The following AR variants were observed in gnomAD, a reference collection of about 807,000 sequenced individuals.
AR encodes the protein androgen receptor, also known as dihydrotestosterone receptor.
In AR, 8 loss-of-function variants were observed where a neutral mutation model predicts 53.9. The observed-to-expected ratio is 0.15, with a 90% CI of 0.09 to 0.27. The LOEUF (loss-of-function observed/expected upper bound fraction) is 0.27. Among genes scored for constraint, AR ranks in the 10% least tolerant of loss-of-function variants. The probability of loss-of-function intolerance (pLI) is 1.00; values close to 1 mark genes in which losing one functional copy is unlikely to be tolerated. For missense variants in AR, 639 were observed against 742.5 expected (o/e 0.86, Z 1.62); for synonymous variants, 359 against 316.4 (o/e 1.13, Z -1.43).
intron 2 of AR, among the ~76,000 whole-genome samples, chrX:67,684,140 A>G (rs2075952582): frequency 8.9e-6 from 1 of 111,734 alleles, no homozygotes; most frequent in African/African-American, 3.3e-5. Context: ...ATACTGTGGG[A>G]GTGTACCAGT....
chrX:67,549,706 T>TA (rs1294691647), intron 1 of AR, among the ~76,000 whole-genome samples: 1 of 111,918 alleles, frequency 8.9e-6, no homozygotes, highest in Non-Finnish European at 1.9e-5. Flanking sequence ...ATGCCAGAAT[T>TA]AGAGTTTGGG....
At chrX:67,624,864 A>G (rs1358656957) in intron 1 of AR, among the ~76,000 whole-genome samples, 1 of 94,802 alleles carries the variant, frequency 1.1e-5, no homozygotes, top group Non-Finnish European at 2.0e-5. Flanking sequence ...CACCATTTCA[A>G]TTTACCATTG....
chrX:67,588,380 G>C (rs933110087), intron 1 of AR, among the ~76,000 whole-genome samples: 1 of 111,895 alleles, frequency 8.9e-6, no homozygotes, highest in Non-Finnish European at 1.9e-5. Context: ...CTGTTCTCAA[G>C]GTATCCCAAA....
At chrX:67,690,881 G>A (rs1178435136) in intron 3 of AR, among the ~76,000 whole-genome samples, 1 of 111,752 alleles carries the variant, frequency 8.9e-6, no homozygotes, top group Non-Finnish European at 1.9e-5. Context: ...TGAACAAAAT[G>A]CATTGAGGGT....
chrX:67,547,909 C>CA (rs757479017), intron 1 of AR, among the ~76,000 whole-genome samples: 1 of 111,952 alleles, frequency 8.9e-6, no homozygotes, highest in African/African-American at 3.2e-5. Flanking sequence ...AATTATTCCT[C>CA]ACCGCAGTTG....
intron 1 of AR, among the ~76,000 whole-genome samples, chrX:67,548,559 A>G: frequency 9.0e-6 from 1 of 111,240 alleles, no homozygotes; most frequent in South Asian, 3.8e-4. Flanking sequence ...CTGCCATGAT[A>G]CTAAACCCAG....
At position 67,639,843 on chromosome X, in the gene AR, T is replaced by C. The variant is rs756195298; in HGVS notation, c.1617-3413T>C. Among the ~76,000 whole-genome samples the C allele has an allele frequency of 6.4e-4, 71 of 111,670 alleles. 2 individuals carry two copies. Among genetic ancestry groups the C allele is most frequent in the African/African-American group, 2.2e-3 (67 of 30,765 alleles). On this transcript the variant is annotated intron_variant, in intron 1 of 7. Transcript: ENST00000374690. ...CTTTCCTGATTGCCCTGGCCAGAACTTCCAATACTATGTTGAATAGGGGTG... is the reference window on the plus strand; with the variant it reads ...CTTTCCTGATTGCCCTGGCCAGAACCTCCAATACTATGTTGAATAGGGGTG...
chrX:67,656,550 C>T (rs1926603559), intron 2 of AR, among the ~76,000 whole-genome samples: 2 of 111,603 alleles, frequency 1.8e-5, no homozygotes, highest in South Asian at 3.8e-4. Context: ...TGTTACCAAA[C>T]ATTTTCCATG....
chrX:67,554,642 A>T (rs1253397317), intron 1 of AR, among the ~76,000 whole-genome samples: 1 of 111,756 alleles, frequency 8.9e-6, no homozygotes, highest in African/African-American at 3.3e-5. Context: ...GGGATTTTTT[A>T]AAAAAGAATC....
intron 3 of AR, among the ~76,000 whole-genome samples, chrX:67,706,205 G>T (rs1053228346): frequency 4.5e-5 from 5 of 111,567 alleles, no homozygotes; most frequent in African/African-American, 1.6e-4. Context: ...TGATTGGAAT[G>T]GTTTCAGAAG....
chrX:67,667,756 T>A (rs1927344263), intron 2 of AR, among the ~76,000 whole-genome samples: 1 of 111,052 alleles, frequency 9.0e-6, no homozygotes, highest in Admixed American at 9.6e-5. Flanking sequence ...TTTTTTTTAG[T>A]TTTCATTGTA....
chrX:67,702,557 C>T (rs995103080), intron 3 of AR, among the ~76,000 whole-genome samples: 3 of 111,879 alleles, frequency 2.7e-5, no homozygotes, highest in African/African-American at 6.5e-5. Flanking sequence ...GCCAAAGCCC[C>T]GCAGAAATGA....
chrX:67,649,598 G>T (rs1157590929), intron 2 of AR, among the ~76,000 whole-genome samples: 2 of 112,275 alleles, frequency 1.8e-5, no homozygotes, highest in African/African-American at 6.5e-5. Flanking sequence ...TCTCACTGTG[G>T]TTTTGATTTG....
intron 1 of AR, among the ~76,000 whole-genome samples, chrX:67,571,447 A>G (rs961917746): frequency 3.6e-5 from 4 of 111,281 alleles, no homozygotes; most frequent in Admixed American, 1.9e-4. Context: ...GCTGCTTAAG[A>G]GTACATACAG....
At chrX:67,628,402 G>A in intron 1 of AR, among the ~76,000 whole-genome samples, 1 of 102,514 alleles carries the variant, frequency 9.8e-6, no homozygotes, top group Middle Eastern at 4.8e-3. Context: ...TGAAGCAATT[G>A]TGAATGGGAG....
chrX:67,625,433 C>A (rs1216229677), intron 1 of AR, among the ~76,000 whole-genome samples: 1 of 110,421 alleles, frequency 9.1e-6, no homozygotes, highest in African/African-American at 3.3e-5. Context: ...ATACATGGAA[C>A]CTAGGATAAC....
chrX:67,711,251 G>C (rs1483583912), intron 3 of AR, 151 bp from the exon 4 acceptor site: 7 of 657,768 alleles, frequency 1.1e-5, no homozygotes, highest in Non-Finnish European at 1.6e-5. Flanking sequence ...TTTAACCAGT[G>C]TTGAATGAGC....
chrX:67,655,949 G>A, intron 2 of AR, among the ~76,000 whole-genome samples: 1 of 112,176 alleles, frequency 8.9e-6, no homozygotes, highest in Admixed American at 9.5e-5. Flanking sequence ...TAATTTGTCT[G>A]TTGCTATTTA....
intron 3 of AR, among the ~76,000 whole-genome samples, chrX:67,697,063 C>T (rs1353346520): frequency 1.8e-5 from 2 of 111,806 alleles, no homozygotes; most frequent in Non-Finnish European, 1.9e-5. Flanking sequence ...TTTCTTCAAA[C>T]AAAATTTGAT....
Sources: gnomAD v4.1 joint callset for allele counts (sites outside exome capture counted in the v4.1 genomes callset) on GRCh38, gnomAD v4.1.1 for gene constraint, MANE v1.5 for transcripts, NCBI Gene and HGNC (gene_info 2026-07-23, HGNC 2026-07-21) for gene names.